Variants in POTEJ observed in about 807,000 individuals in gnomAD.
POTEJ encodes POTE ankyrin domain family member J.
POTEJ carries 11 observed loss-of-function variants against 69.0 expected under a neutral mutation model. That is an observed-to-expected ratio of 0.16 (90% CI 0.10 to 0.26). POTEJ has a LOEUF of 0.26. Among genes scored for constraint, POTEJ ranks in the 10% least tolerant of loss-of-function variants. The pLI, the probability that POTEJ is intolerant of heterozygous loss-of-function variation, is 1.00. For missense variants in POTEJ, 327 were observed against 1,045.5 expected, an observed-to-expected ratio of 0.31 and a Z score of 9.48; for synonymous variants, 117 against 381.1, an observed-to-expected ratio of 0.31 and a Z score of 8.07.
At chr2:130,613,133 A>G (rs1345444239) in intron 1 of POTEJ, among the ~76,000 whole-genome samples, 8 of 143,700 alleles carry the variant, frequency 5.6e-5, no homozygotes, top group Admixed American at 4.2e-4. Flanking sequence ...CTAGATTTTT[A>G]TGTCACAAAA....
chr2:130,636,582 T>A (rs1170609438), intron 9 of POTEJ, among the ~76,000 whole-genome samples: 2 of 148,200 alleles, frequency 1.3e-5, no homozygotes, highest in Non-Finnish European at 3.0e-5. Context: ...CTGCTTTAGT[T>A]TTTCTCCTCT....
chr2:130,654,647 A>AATC (rs1686920199), intron 13 of POTEJ, among the ~76,000 whole-genome samples: 1 of 145,028 alleles, frequency 6.9e-6, no homozygotes, highest in African/African-American at 2.6e-5. Context: ...TATTAATAAT[A>AATC]ATAGAAATAA....
intron 6 of POTEJ, among the ~76,000 whole-genome samples, chr2:130,629,639 C>T (rs1685835338): frequency 2.0e-5 from 3 of 150,090 alleles, no homozygotes; most frequent in Admixed American, 2.0e-4. Context: ...ACATTTACTG[C>T]TTCACTATTA....
chr2:130,631,364 C>G (rs1382349716), intron 7 of POTEJ, 45 bp from the exon 8 acceptor site: 1 of 607,576 alleles, frequency 1.6e-6, no homozygotes, highest in Non-Finnish European at 2.6e-6. Flanking sequence ...GGAGACATCA[C>G]AGAAACACAA....
rs763595703 is a variant in POTEJ at position 130,657,065 on chromosome 2, A to G, written c.2305A>G (p.Thr769Ala). ...VAPEEHPILLTEAPLNPKANR... is the reference protein window; with the variant it reads ...VAPEEHPILLAEAPLNPKANR... ...CCCCGAGGAGCACCCCATCCTGCTG[A>G]CCGAGGCCCCCCTGAACCCCAAGGC... The change falls in exon 15 of 15, where the codon ACC becomes GCC. Residue 769 changes from threonine (T) to alanine (A), a missense_variant. Thr to Ala is a moderately conservative substitution (Grantham distance 58). Coordinates refer to ENST00000409602, the MANE Select transcript of POTEJ (RefSeq NM_001277083.2). 17 of 1,580,872 alleles carry G rather than the reference A, an allele frequency of 1.1e-5. 1 individual carries two copies. The highest frequency in any genetic ancestry group is 8.5e-5 in the Admixed American group (5 of 59,116).
intron 3 of POTEJ, among the ~76,000 whole-genome samples, chr2:130,618,126 A>G (rs1434317330): frequency 6.6e-6 from 1 of 152,080 alleles, no homozygotes; most frequent in African/African-American, 2.4e-5. Context: ...GGTGGAAGAT[A>G]AATAAGTAAC....
chr2:130,638,143 G>C (rs1429976873), intron 9 of POTEJ, among the ~76,000 whole-genome samples: 1 of 150,078 alleles, frequency 6.7e-6, no homozygotes, highest in Non-Finnish European at 1.5e-5. Context: ...GATAATTTCA[G>C]TCATAAAGTT....
chr2:130,642,971 C>A (rs1176174166), intron 10 of POTEJ, among the ~76,000 whole-genome samples: 1 of 150,022 alleles, frequency 6.7e-6, no homozygotes, highest in Non-Finnish European at 1.5e-5. Context: ...TCTTTTTAAA[C>A]CCTAATGCCT....
chr2:130,640,051 T>G (rs553138877), intron 10 of POTEJ, among the ~76,000 whole-genome samples: 3,254 of 144,918 alleles, frequency 0.022, 2 homozygotes, highest in African/African-American at 0.086. Flanking sequence ...CAGACATATG[T>G]GATGAGGAGT....
intron 6 of POTEJ, among the ~76,000 whole-genome samples, chr2:130,624,351 C>T (rs535406742): frequency 1.1e-3 from 159 of 140,642 alleles, no homozygotes; most frequent in Non-Finnish European, 1.8e-3. Flanking sequence ...ATGTAGAATC[C>T]GTGGAAGCTC....
intron 11 of POTEJ, among the ~76,000 whole-genome samples, chr2:130,644,437 C>T (rs1216313771): frequency 6.6e-6 from 1 of 151,962 alleles, no homozygotes; most frequent in Admixed American, 6.6e-5. Flanking sequence ...CCACTACACT[C>T]CAGCCTGGGT....
At chr2:130,646,782 G>C (rs1686593536) in intron 13 of POTEJ, among the ~76,000 whole-genome samples, 3 of 145,110 alleles carry the variant, frequency 2.1e-5, no homozygotes, top group Admixed American at 2.0e-4. Context: ...CCACTAATGA[G>C]TAAGAATATG....
intron 13 of POTEJ, among the ~76,000 whole-genome samples, chr2:130,647,410 ATT>A (rs1366877858): frequency 1.3e-5 from 2 of 151,100 alleles, no homozygotes; most frequent in Non-Finnish European, 2.9e-5. Context: ...GGGGATCTAT[ATT>A]TAATATAAAC....
At chr2:130,627,252 A>G (rs1477310188) in intron 6 of POTEJ, among the ~76,000 whole-genome samples, 468 of 149,940 alleles carry the variant, frequency 3.1e-3, no homozygotes, top group Non-Finnish European at 5.0e-3. Flanking sequence ...TATAACTCGC[A>G]TCCTACTAGT....
At position 130,637,034 on chromosome 2, in the gene POTEJ, G is replaced by A. The variant is rs1411421501; in HGVS notation, c.1299-1585G>A. Among the ~76,000 whole-genome samples the A allele has an allele frequency of 5.5e-5, 8 of 145,606 alleles. 1 individual carries two copies. Among genetic ancestry groups the A allele is most frequent in the Admixed American group, 1.4e-4 (2 of 14,342 alleles). ...GCGGAGCTTGCAGTGAGCCGAGATC[G>A]TTGCACTGCACTCCAGCCTGGGTGA... On this transcript the variant is annotated intron_variant, in intron 9 of 14. Transcript: ENST00000409602.
chr2:130,656,798 T>A lies in POTEJ; in HGVS notation c.2038T>A (p.Cys680Ser), dbSNP rs780349545. Residue 680 changes from cysteine to serine, a missense_variant, in exon 15 of 15, where the codon TGC becomes AGC. By Grantham distance (112) the Cys-to-Ser change is moderately radical. Transcript: ENST00000409602. ...CGTCATTGACAACGGCTCTGGCATG[T>A]GCAAGGCCGGCTTTGCGGGCGACGA... Reference protein sequence around the residue: ...VLVIDNGSGMCKAGFAGDDAP... With the variant: ...VLVIDNGSGMSKAGFAGDDAP... 6.2e-7 allele frequency: 1 copy of A among 1,609,852 alleles called. No individual in the cohort carries two copies.
chr2:130,613,299 CAT>C (rs1685294602), intron 1 of POTEJ, among the ~76,000 whole-genome samples: 5 of 101,536 alleles, frequency 4.9e-5, no homozygotes, highest in African/African-American at 1.9e-4. Context: ...CATATATATA[CAT>C]ATGTATATAT....
chr2:130,656,533 C>G lies in POTEJ; in HGVS notation c.1789-16C>G, dbSNP rs1686994248. The G allele has an allele frequency of 2.5e-6, 4 of 1,606,700 alleles. No individual in the cohort carries two copies. Among genetic ancestry groups the G allele is most frequent in the Non-Finnish European group, 3.4e-6 (4 of 1,178,976 alleles). ...ATCTATTGAGTGCTAACTAAAAGTT[C>G]TCTTTGTTTACTTAGCTTTCTCTTA... On this transcript the variant is annotated splice_polypyrimidine_tract_variant and intron_variant, in intron 14 of 14. Transcript: ENST00000409602.
intron 13 of POTEJ, among the ~76,000 whole-genome samples, chr2:130,652,952 A>G (rs969190850): frequency 7.0e-6 from 1 of 142,228 alleles, no homozygotes; most frequent in Non-Finnish European, 1.6e-5. Context: ...CTTGTAGGTT[A>G]TAGATATTAG....
Sources: gnomAD v4.1 joint callset for allele counts (sites outside exome capture counted in the v4.1 genomes callset) on GRCh38, gnomAD v4.1.1 for gene constraint, MANE v1.5 for transcripts, NCBI Gene and HGNC (gene_info 2026-07-23, HGNC 2026-07-21) for gene names.